The following GRHL2 variants were observed in gnomAD, a reference collection of about 807,000 sequenced individuals.
The protein encoded by GRHL2 is grainyhead-like protein 2 homolog.
GRHL2 carries 21 observed loss-of-function variants against 83.8 expected under a neutral mutation model. The observed-to-expected ratio is 0.25, with a 90% CI of 0.18 to 0.36. The LOEUF (loss-of-function observed/expected upper bound fraction) is 0.36, where lower values mean the gene tolerates loss of function less well. GRHL2 is among the 10% of genes least tolerant of loss of function. The pLI, the probability that GRHL2 is intolerant of heterozygous loss-of-function variation, is 1.00. For missense variants in GRHL2, 623 were observed against 781.8 expected (o/e 0.80, Z 2.42); for synonymous variants, 280 against 278.9 (o/e 1.00, Z -0.04).
chr8:101,551,884 A>G lies in GRHL2; in HGVS notation c.217-831A>G, dbSNP rs192730411. On this transcript the variant is annotated intron_variant, in intron 2 of 15. Coordinates refer to ENST00000646743, the MANE Select transcript of GRHL2 (RefSeq NM_024915.4). ...TGAGTCTTGCTCTGTCGCCCAGGCT[A>G]GAGTGCAGTGGCGCGATCTCGGCTC... Among the ~76,000 whole-genome samples, 41 of 149,368 alleles carry G rather than the reference A, an allele frequency of 2.7e-4. No individual in the cohort carries two copies. The East Asian group carries it at 5.2e-3, about 19-fold the overall frequency.
intron 14 of GRHL2, among the ~76,000 whole-genome samples, chr8:101,661,320 G>A (rs1234933702): frequency 6.6e-6 from 1 of 151,988 alleles, no homozygotes; most frequent in Non-Finnish European, 1.5e-5. Context: ...CTAGTTTGGT[G>A]TCTCCATTTG....
At chr8:101,600,096 C>T (rs760892456) in intron 8 of GRHL2, among the ~76,000 whole-genome samples, 9 of 152,154 alleles carry the variant, frequency 5.9e-5, no homozygotes, top group South Asian at 2.1e-4. Flanking sequence ...AGAAAGGAAA[C>T]GGGTTGGGAG....
At chr8:101,509,187 T>TCTTTCTTTCTTTTTTCTTTCTTTCTTTC (rs5893565) in intron 1 of GRHL2, among the ~76,000 whole-genome samples, 1 of 21,054 alleles carries the variant, frequency 4.7e-5, no homozygotes, top group African/African-American at 8.1e-5. Flanking sequence ...TTTCTTTCTT[T>TCTTTCTTTCTTTTTTCTTTCTTTCTTTC]TCTCTCTTTC....
intron 6 of GRHL2, among the ~76,000 whole-genome samples, chr8:101,574,963 A>G (rs1218760080): frequency 6.6e-6 from 1 of 152,230 alleles, no homozygotes; most frequent in African/African-American, 2.4e-5. Flanking sequence ...ATAAAGTTTC[A>G]GAAACTAGTA....
Position 101,492,739 on chromosome 8 carries a change from G to A in GRHL2, c.-31G>A. 1 of 1,609,204 alleles carries A rather than the reference G, an allele frequency of 6.2e-7. No individual in the cohort carries two copies. The highest frequency in any genetic ancestry group is 8.5e-7 in the Non-Finnish European group (1 of 1,175,518). Reference sequence around the variant, plus strand: ...AGTTTCACCAGAGGCTGAGGCTCCAGGAAAAGCGGAGCAAGTTCATTGGAT... The same window carrying A: ...AGTTTCACCAGAGGCTGAGGCTCCAAGAAAAGCGGAGCAAGTTCATTGGAT... On this transcript the variant is annotated 5_prime_UTR_variant, in exon 1 of 16. Transcript: ENST00000646743.
At chr8:101,628,088 G>A (rs1813115582) in intron 9 of GRHL2, among the ~76,000 whole-genome samples, 1 of 152,176 alleles carries the variant, frequency 6.6e-6, no homozygotes, top group African/African-American at 2.4e-5. Context: ...ATTGATGAAG[G>A]TGGCTATACT....
chr8:101,573,584 G>A lies in GRHL2; in HGVS notation c.735-84G>A. On this transcript the variant is annotated intron_variant, in intron 5 of 15. Coordinates refer to ENST00000646743, the MANE Select transcript of GRHL2 (RefSeq NM_024915.4). ...ACAGTAAACATTGGTTAATGTTCAT[G>A]TGAAATGCTATGATGTGAAATTGGT... 1.3e-5 allele frequency: 20 copies of A among 1,519,740 alleles called. No individual in the cohort carries two copies. In the South Asian group the frequency reaches 1.9e-4, roughly 15 times the overall value. The allele number at this position is 1,519,740 out of a possible 1,614,324, so 94.1% of individuals were successfully genotyped here. A position where few individuals can be genotyped will look rare whatever the true frequency, so the allele number is the denominator to read the frequency against.
chr8:101,572,282 A>G (rs983298569), intron 5 of GRHL2, among the ~76,000 whole-genome samples: 2 of 152,206 alleles, frequency 1.3e-5, no homozygotes, highest in African/African-American at 4.8e-5. Flanking sequence ...TTTTCAGACA[A>G]AATGACAATG....
At position 101,652,392 on chromosome 8, in the gene GRHL2, T is replaced by TGTGTGGG; in HGVS notation, c.1698+2898_1698+2899insGGGTGTG. Among the ~76,000 whole-genome samples the TGTGTGGG allele has an allele frequency of 4.1e-5, 3 of 73,350 alleles. 1 individual carries two copies. Among genetic ancestry groups the TGTGTGGG allele is most frequent in the African/African-American group, 2.7e-4 (3 of 11,110 alleles). The allele number at this position is 73,350 out of a possible 152,430, so 48.1% of individuals were successfully genotyped here. A position where few individuals can be genotyped will look rare whatever the true frequency, so the allele number is the denominator to read the frequency against. ...GTGTCTGATGTGTGTGTGGTGTGTGTGTGTGTCTGGTGTGTGTGTGGTGTG... is the reference window on the plus strand; with the variant it reads ...GTGTCTGATGTGTGTGTGGTGTGTGTGTGTGGGGTGTGTCTGGTGTGTGTGTGGTGTG... On this transcript the variant is annotated intron_variant, in intron 14 of 15. Coordinates refer to ENST00000646743, the MANE Select transcript of GRHL2 (RefSeq NM_024915.4).
intron 5 of GRHL2, among the ~76,000 whole-genome samples, chr8:101,572,103 C>T (rs1039051634): frequency 3.9e-5 from 6 of 152,150 alleles, no homozygotes; most frequent in African/African-American, 7.2e-5. Flanking sequence ...TATTAAAAAT[C>T]GTTTATGTTC....
rs186068979 is a variant in GRHL2, at chr8:101,503,953, T to A, written c.20+11164T>A. ...TCTGTGTTTTCCTATTGTGCTGATG[T>A]GAGCTTGCACTGCTTTTGTAATTAA... On this transcript the variant is annotated intron_variant, in intron 1 of 15. Transcript: ENST00000646743. 2.2e-3 allele frequency among the ~76,000 whole-genome samples: 332 copies of A among 152,366 alleles called. 1 individual carries two copies. Among genetic ancestry groups the A allele is most frequent in the Non-Finnish European group, 4.1e-3 (281 of 68,032 alleles).
At chr8:101,647,762 T>C (rs1813541966) in intron 13 of GRHL2, among the ~76,000 whole-genome samples, 1 of 152,014 alleles carries the variant, frequency 6.6e-6, no homozygotes, top group Admixed American at 6.5e-5. Flanking sequence ...TTTTTTTTCA[T>C]ACACTAACTG....
At chr8:101,505,854 C>T (rs1810330799) in intron 1 of GRHL2, among the ~76,000 whole-genome samples, 1 of 152,146 alleles carries the variant, frequency 6.6e-6, no homozygotes, top group Non-Finnish European at 1.5e-5. Context: ...GCTTGTTAGC[C>T]TTCATAATCC....
intron 1 of GRHL2, among the ~76,000 whole-genome samples, chr8:101,507,995 A>G (rs892984141): frequency 2.0e-5 from 3 of 152,056 alleles, no homozygotes; most frequent in Admixed American, 1.3e-4. Context: ...TATGTTGGCC[A>G]GGCTGGTCTC....
intron 7 of GRHL2, among the ~76,000 whole-genome samples, chr8:101,587,419 TACTC>T: frequency 6.6e-6 from 1 of 152,282 alleles, no homozygotes; most frequent in East Asian, 1.9e-4. Flanking sequence ...CACACACACA[TACTC>T]ACACGCACAG....
chr8:101,598,580 A>AT (rs1812444095), intron 7 of GRHL2, among the ~76,000 whole-genome samples: 3 of 97,016 alleles, frequency 3.1e-5, no homozygotes, highest in Non-Finnish European at 3.8e-5. Context: ...TGGTCTCCTG[A>AT]ATTTTTTTTT....
intron 5 of GRHL2, among the ~76,000 whole-genome samples, chr8:101,571,007 C>G (rs947113307): frequency 1.3e-5 from 2 of 152,212 alleles, no homozygotes; most frequent in African/African-American, 2.4e-5. Flanking sequence ...CACTCAGGTG[C>G]CTTCCATGTG....
rs1563579596 is a variant in GRHL2, at chr8:101,558,664, G to T, written c.530G>T (p.Gly177Val). 3 of 1,614,192 alleles carry T rather than the reference G, an allele frequency of 1.9e-6. No individual in the cohort carries two copies. The highest frequency in any genetic ancestry group is 2.2e-5 in the East Asian group (1 of 44,880). The stretch of plus-strand genomic sequence containing the variant: ...GCCCCACCTGTGCACTATCCCCGGG[G>T]AGATGGGGAAGAGCAACGAGTGGTT... The part of the protein sequence containing the change: ...FMAPPVHYPR[G>V]DGEEQRVVIF... Residue 177 changes from glycine to valine, a missense_variant, in exon 4 of 16, where the codon GGA (glycine) becomes GTA (valine). Physicochemically the swap from Gly to Val is moderately radical, Grantham distance 109. This residue lies in a region of GRHL2 where 239 missense variants were observed against 240.5 expected (regional missense o/e 0.99). Transcript: ENST00000646743.
intron 4 of GRHL2, among the ~76,000 whole-genome samples, chr8:101,566,137 A>G (rs926824676): frequency 1.1e-4 from 16 of 152,184 alleles, no homozygotes; most frequent in Non-Finnish European, 2.4e-4. Context: ...CAGTTTTATT[A>G]TGTTTATCTT....
Sources: gnomAD v4.1 joint callset for allele counts (sites outside exome capture counted in the v4.1 genomes callset) on GRCh38, gnomAD v4.1.1 for gene constraint, gnomAD v4.1.1 regional missense constraint, MANE v1.5 for transcripts, NCBI Gene and HGNC (gene_info 2026-07-23, HGNC 2026-07-21) for gene names.